Variants in IQCH observed in about 807,000 individuals in gnomAD.
IQCH encodes IQ domain-containing protein H.
In IQCH, 98 loss-of-function variants were observed where a neutral mutation model predicts 117.0. That is an observed-to-expected ratio of 0.84 (90% CI 0.71 to 0.99). IQCH has a LOEUF of 0.99. Among genes scored for constraint, IQCH ranks in the 50% least tolerant of loss-of-function variants. IQCH has a pLI of 0.00. For synonymous variants in IQCH, 412 were observed against 448.2 expected (o/e 0.92, Z 1.02); for missense variants, 1,102 against 1,243.8 (o/e 0.89, Z 1.72).
intron 18 of IQCH, among the ~76,000 whole-genome samples, chr15:67,480,241 C>G (rs1383412246): frequency 6.6e-6 from 1 of 152,160 alleles, no homozygotes; most frequent in East Asian, 1.9e-4. Flanking sequence ...AGGCACATAA[C>G]GAAACTGTAT....
chr15:67,336,986 G>A lies in IQCH; in HGVS notation c.399G>A (p.Ser133=), dbSNP rs772348012. 52 of 1,613,236 alleles carry A rather than the reference G, an allele frequency of 3.2e-5. No homozygotes were observed. The highest frequency in any genetic ancestry group is 3.8e-5 in the Non-Finnish European group (45 of 1,179,634). Residue 133 remains serine, a synonymous_variant, in exon 5 of 21, where the codon TCG becomes TCA. Transcript: ENST00000335894. ...TTTTTATTATCTAGATAAAGGTTTC[G>A]AAGTTAATCAAAGGGTCTAACATAT... ...PVFPRAKIKV[S]KLIKGSNISS...
Position 67,424,338 on chromosome 15 carries a change from CCTTCCTGA to C in IQCH, c.2505+2763_2505+2770del, listed in dbSNP as rs2081832649. 6.6e-6 allele frequency among the ~76,000 whole-genome samples: 1 copy of C among 152,216 alleles called. No individual in the cohort carries two copies. The highest frequency in any genetic ancestry group is 2.4e-5 in the African/African-American group (1 of 41,456). On this transcript the variant is annotated intron_variant, in intron 16 of 20. Coordinates refer to ENST00000335894, the MANE Select transcript of IQCH (RefSeq NM_001031715.3). The surrounding 1 kb of genome is among the most constrained non-coding windows in gnomAD (Gnocchi z 4.9). ...CCACATTGACTGAAGCGCTTCCTGA[CCTTCCTGA>C]CAAAGTCAAATTCTCCTTTTTTAGG...
intron 17 of IQCH, among the ~76,000 whole-genome samples, chr15:67,470,787 T>C (rs1440732839): frequency 2.6e-5 from 4 of 152,018 alleles, no homozygotes; most frequent in Non-Finnish European, 4.4e-5. Context: ...ACAAACCTCC[T>C]TTCCATTGAT....
chr15:67,290,355 C>T (rs1207604973), intron 4 of IQCH, among the ~76,000 whole-genome samples: 1 of 152,054 alleles, frequency 6.6e-6, no homozygotes, highest in Non-Finnish European at 1.5e-5. Context: ...TTTAATGCTG[C>T]ATCAAAATGT....
chr15:67,307,583 G>A (rs915470779), intron 4 of IQCH, among the ~76,000 whole-genome samples: 1 of 152,012 alleles, frequency 6.6e-6, no homozygotes, highest in African/African-American at 2.4e-5. Context: ...CATGCATATG[G>A]CCACAATTAC....
At chr15:67,345,307 G>A (rs181773936) in intron 6 of IQCH, among the ~76,000 whole-genome samples, 78 of 152,162 alleles carry the variant, frequency 5.1e-4, no homozygotes, top group Admixed American at 4.3e-3. Flanking sequence ...AATTTAAACA[G>A]TTACCTCCTC....
chr15:67,335,834 C>G (rs1349865713), intron 4 of IQCH, among the ~76,000 whole-genome samples: 1 of 152,170 alleles, frequency 6.6e-6, no homozygotes, highest in Non-Finnish European at 1.5e-5. Context: ...CAAACATCAT[C>G]AAAGTGTTTG....
rs562054602 is a variant in IQCH, at chr15:67,476,010, A to T, written c.2799+192A>T. Among the ~76,000 whole-genome samples the T allele has an allele frequency of 6.6e-6, 1 of 152,334 alleles. No homozygotes were observed. Among genetic ancestry groups the T allele is most frequent in the African/African-American group, 2.4e-5 (1 of 41,576 alleles). ...ACAGAAAGTAGCACATAGTCCTGGA[A>T]AGTTCTACTTCGTCTCCAATCTTAC... On this transcript the variant is annotated intron_variant, in intron 18 of 20. Transcript: ENST00000335894. This position sits in a 1 kb window ranked among gnomAD's most constrained non-coding sequence, Gnocchi z 4.1.
chr15:67,344,044 T>C lies in IQCH; in HGVS notation c.509-19T>C, dbSNP rs781334433. The C allele has an allele frequency of 3.1e-6, 5 of 1,606,762 alleles. No homozygotes were observed. In the Admixed American group the frequency reaches 5.1e-5, roughly 16 times the overall value. ...ATTGCTTGGAATTAAACTCACATTT[T>C]ATTAATGTTTCTTTTTAGGGATTTT... On this transcript the variant is annotated intron_variant, in intron 5 of 20. Transcript: ENST00000335894.
rs2081604865 is a variant in IQCH, at chr15:67,417,450, TG to T, written c.2218+400del. Reference sequence around the variant, plus strand: ...GGGTGGATTCAATGAAATACAGATATGAAAGTTTCTACCACAGAACCTTACA... The same window carrying T: ...GGGTGGATTCAATGAAATACAGATATAAAGTTTCTACCACAGAACCTTACA... On this transcript the variant is annotated intron_variant, in intron 15 of 20. Transcript: ENST00000335894. The surrounding 1 kb of genome is among the most constrained non-coding windows in gnomAD (Gnocchi z 4.3). 6.6e-6 allele frequency among the ~76,000 whole-genome samples: 1 copy of T among 152,178 alleles called. No homozygotes were observed.
chr15:67,271,028 G>A (rs566884448), intron 3 of IQCH, among the ~76,000 whole-genome samples: 21 of 152,284 alleles, frequency 1.4e-4, no homozygotes, highest in East Asian at 3.9e-4. Flanking sequence ...GAGTGCAGTC[G>A]TGCAATCTTG....
intron 9 of IQCH, among the ~76,000 whole-genome samples, chr15:67,373,020 GA>G (rs973575645): frequency 7.4e-5 from 11 of 149,182 alleles, no homozygotes; most frequent in South Asian, 2.1e-4. Flanking sequence ...AATTTGCTCA[GA>G]AAAAAAAAAT....
intron 4 of IQCH, among the ~76,000 whole-genome samples, chr15:67,296,876 ATCAGTTGACTGTGACC>A (rs2140517257): frequency 1.3e-5 from 2 of 152,324 alleles, no homozygotes; most frequent in Admixed American, 1.3e-4. Context: ...TAGGACTCAA[ATCAGTTGACTGTGACC>A]ACACTCACCT....
At position 67,436,811 on chromosome 15, in the gene IQCH, C is replaced by T. The variant is rs1189438164; in HGVS notation, c.2505+15234C>T. Among the ~76,000 whole-genome samples, 1 of 152,054 alleles carries T rather than the reference C, an allele frequency of 6.6e-6. No individual in the cohort carries two copies. Among genetic ancestry groups the T allele is most frequent in the Non-Finnish European group, 1.5e-5 (1 of 67,998 alleles). ...CACTTCCCTGACAACCTGCATGACT[C>T]AGCAGAGGCAGCCATAATCCTCCTA... On this transcript the variant is annotated intron_variant, in intron 16 of 20. Coordinates refer to ENST00000335894, the MANE Select transcript of IQCH (RefSeq NM_001031715.3). This position sits in a 1 kb window ranked among gnomAD's most constrained non-coding sequence, Gnocchi z 5.1.
intron 6 of IQCH, among the ~76,000 whole-genome samples, chr15:67,354,089 GA>G (rs1969786104): frequency 6.6e-6 from 1 of 151,718 alleles, no homozygotes; most frequent in African/African-American, 2.4e-5. Flanking sequence ...TTCCATAGGG[GA>G]AAAAAAGAGG....
In IQCH at chr15:67,416,472, A is replaced by G. The variant is rs1000565338; in HGVS notation, c.2098-459A>G. 6.6e-6 allele frequency among the ~76,000 whole-genome samples: 1 copy of G among 151,944 alleles called. No homozygotes were observed. The highest frequency in any genetic ancestry group is 1.5e-5 in the Non-Finnish European group (1 of 67,980). The stretch of plus-strand genomic sequence containing the variant: ...GCAGAGGTTGCAGTGAGCCAAGATC[A>G]CGCCATTGCACTCCAGCCTGGGCAA... On this transcript the variant is annotated intron_variant, in intron 14 of 20. Coordinates refer to ENST00000335894, the MANE Select transcript of IQCH (RefSeq NM_001031715.3). The surrounding 1 kb of genome is among the most constrained non-coding windows in gnomAD (Gnocchi z 5.1).
chr15:67,412,746 C>T (rs543472582), intron 14 of IQCH, among the ~76,000 whole-genome samples: 25 of 152,206 alleles, frequency 1.6e-4, no homozygotes, highest in African/African-American at 5.8e-4. Flanking sequence ...CTGTTGCTGG[C>T]TTATAACAGA....
At chr15:67,394,621 A>G (rs984341099) in intron 12 of IQCH, among the ~76,000 whole-genome samples, 23 of 152,336 alleles carry the variant, frequency 1.5e-4, no homozygotes, top group Non-Finnish European at 2.8e-4. Context: ...AGACAGTCAC[A>G]TGTATTGCTG....
At position 67,357,431 on chromosome 15, in the gene IQCH, T is replaced by C. The variant is rs775622696; in HGVS notation, c.714+10T>C. On this transcript the variant is annotated intron_variant, in intron 7 of 20. Transcript: ENST00000335894. ...GAAACAAAGATCAAAGGTATTTATA[T>C]TCCTCACTATAGAAAGAAAATTATT... The C allele has an allele frequency of 2.0e-6, 3 of 1,513,814 alleles. No homozygotes were observed. Among genetic ancestry groups the C allele is most frequent in the South Asian group, 2.2e-5 (2 of 89,028 alleles). 93.8% of individuals were successfully genotyped at this position (1,513,814 alleles called of 1,614,324 possible). A position where few individuals can be genotyped will look rare whatever the true frequency, so the allele number is the denominator to read the frequency against.
Sources: allele counts gnomAD v4.1 joint callset (sites outside exome capture counted in the v4.1 genomes callset), GRCh38; gene constraint gnomAD v4.1.1; non-coding constraint Gnocchi (gnomAD v3.1); transcripts MANE v1.5; gene names NCBI Gene and HGNC (gene_info 2026-07-23, HGNC 2026-07-21).